Variants in COL4A6 observed in about 807,000 individuals in gnomAD.
COL4A6 encodes the protein collagen alpha-6(IV) chain.
A neutral mutation model predicts 126.7 loss-of-function variants in COL4A6; 59 were observed. The ratio of observed to expected loss-of-function variants is 0.47; its 90% confidence interval spans 0.38 to 0.58. The LOEUF is 0.58. COL4A6 is among the 20% of genes least tolerant of loss of function. The pLI, the probability that COL4A6 is intolerant of heterozygous loss-of-function variation, is 0.00. For synonymous variants in COL4A6, 547 were observed against 496.6 expected (o/e 1.10, Z -1.35); for missense variants, 1,285 against 1,337.3 (o/e 0.96, Z 0.61).
chrX:108,263,735 A>T (rs1419537538), intron 3 of COL4A6, among the ~76,000 whole-genome samples: 1 of 111,562 alleles, frequency 9.0e-6, no homozygotes, highest in Non-Finnish European at 1.9e-5. Context: ...ACCTCCAGAT[A>T]ATTTAATTTA....
At chrX:108,282,261 A>C (rs1310801373) in intron 3 of COL4A6, among the ~76,000 whole-genome samples, 1 of 95,823 alleles carries the variant, frequency 1.0e-5, no homozygotes, top group Non-Finnish European at 2.1e-5. Flanking sequence ...ACAAAGGGCT[A>C]ATATCCAGAA....
rs192138743 is a variant in COL4A6 at position 108,230,356 on chromosome X, T to C, written c.145-8982A>G. Reference sequence around the variant, plus strand: ...TCTTTGAGAAGGCCACTTCCAAGTCTCATTTGCTAGGAGCAAAATGGAATT... The same window carrying C: ...TCTTTGAGAAGGCCACTTCCAAGTCCCATTTGCTAGGAGCAAAATGGAATT... On this transcript the variant is annotated intron_variant, in intron 3 of 44. Transcript: ENST00000334504. 1.2e-4 allele frequency among the ~76,000 whole-genome samples: 14 copies of C among 112,069 alleles called. No individual in the cohort carries two copies. In the East Asian group the frequency reaches 3.4e-3, roughly 27 times the overall value.
upstream of COL4A6, chrX:108,439,345 CTTAT>C (rs1163291314): frequency 1.3e-6 from 1 of 786,865 alleles, no homozygotes; most frequent in African/African-American, 2.1e-5. Flanking sequence ...CGCACATATA[CTTAT>C]TTTCTTACTT....
At chrX:108,360,442 G>C (rs768718002) in intron 2 of COL4A6, among the ~76,000 whole-genome samples, 40 of 111,389 alleles carry the variant, frequency 3.6e-4, no homozygotes, top group Admixed American at 3.3e-3. Flanking sequence ...AGAATGCAGA[G>C]AGGAGTACAG....
chrX:108,284,392 T>A (rs892245589), intron 3 of COL4A6, among the ~76,000 whole-genome samples: 1 of 111,163 alleles, frequency 9.0e-6, no homozygotes, highest in African/African-American at 3.3e-5. Flanking sequence ...CAAACCACCA[T>A]GGCACATGTA....
At chrX:108,160,170 T>C (rs929854198) in intron 43 of COL4A6, among the ~76,000 whole-genome samples, 12 of 112,233 alleles carry the variant, frequency 1.1e-4, no homozygotes, top group Non-Finnish European at 1.9e-5. Context: ...GCAATTTACA[T>C]TGGGTGATTG....
chrX:108,178,264 C>T (rs759877939), intron 27 of COL4A6, among the ~76,000 whole-genome samples: 1 of 112,398 alleles, frequency 8.9e-6, no homozygotes, highest in Non-Finnish European at 1.9e-5. Context: ...GAGGCATGCT[C>T]GCCTGAGAGG....
intron 13 of COL4A6, among the ~76,000 whole-genome samples, chrX:108,198,019 T>C (rs1184362519): frequency 9.0e-6 from 1 of 111,697 alleles, no homozygotes; most frequent in Non-Finnish European, 1.9e-5. Flanking sequence ...GAATGTCTAT[T>C]GGCTTCTGAG....
At chrX:108,270,447 G>A (rs970447869) in intron 3 of COL4A6, among the ~76,000 whole-genome samples, 2 of 112,512 alleles carry the variant, frequency 1.8e-5, no homozygotes, top group African/African-American at 6.5e-5. Flanking sequence ...AATCTGCCCA[G>A]GCAAGCCCAC....
intron 2 of COL4A6, among the ~76,000 whole-genome samples, chrX:108,422,554 G>A (rs749585546): frequency 9.0e-6 from 1 of 111,206 alleles, no homozygotes; most frequent in Non-Finnish European, 1.9e-5. Context: ...ACTTCCAGAG[G>A]AATATACACA....
In COL4A6 at chrX:108,235,893, T is replaced by C. The variant is rs190205603; in HGVS notation, c.145-14519A>G. Among the ~76,000 whole-genome samples the C allele has an allele frequency of 7.3e-5, 8 of 110,034 alleles. No individual in the cohort carries two copies. The Admixed American group carries it at 7.8e-4, about 11-fold the overall frequency. The stretch of plus-strand genomic sequence containing the variant: ...AAAGCAAGCAAAACAGGCTAAATCC[T>C]ACGATCTGGGGGAGAAAAAGAGGTG... On this transcript the variant is annotated intron_variant, in intron 3 of 44. Coordinates refer to ENST00000334504, the MANE Select transcript of COL4A6 (RefSeq NM_033641.4).
At chrX:108,160,711 A>C in intron 42 of COL4A6, 57 bp from the exon 43 acceptor site, 1 of 1,022,027 alleles carries the variant, frequency 9.8e-7, no homozygotes, top group Non-Finnish European at 1.3e-6. Flanking sequence ...AACATCAGCT[A>C]CTCACATTGT....
chrX:108,285,303 A>C (rs1236640720), intron 3 of COL4A6, among the ~76,000 whole-genome samples: 1 of 111,974 alleles, frequency 8.9e-6, no homozygotes, highest in African/African-American at 3.2e-5. Flanking sequence ...CTTCCACCCA[A>C]GTATTTCTCT....
chrX:108,399,962 G>A (rs2041050696), intron 2 of COL4A6, among the ~76,000 whole-genome samples: 1 of 111,366 alleles, frequency 9.0e-6, no homozygotes, highest in African/African-American at 3.3e-5. Flanking sequence ...CCATTCTATT[G>A]CTGTCATCAT....
chrX:108,166,836 CT>C lies in COL4A6; in HGVS notation c.3692-1351del, dbSNP rs954622929. On this transcript the variant is annotated intron_variant, in intron 37 of 44. Coordinates refer to ENST00000334504, the MANE Select transcript of COL4A6 (RefSeq NM_033641.4). ...TCTGAAAAGAAAGACATATTGTATA[CT>C]TTTTTTCTGAAAATACAGCTCTACA... 9.1e-5 allele frequency among the ~76,000 whole-genome samples: 10 copies of C among 109,697 alleles called. No homozygotes were observed. The South Asian group carries it at 3.5e-3, about 39-fold the overall frequency.
chrX:108,178,611 C>T (rs1360706137), intron 27 of COL4A6, 73 bp downstream of exon 27: 5 of 1,054,015 alleles, frequency 4.7e-6, no homozygotes, highest in South Asian at 2.2e-5. Context: ...ACTGCTATTG[C>T]CCCCCCAGGG....
At position 108,265,667 on chromosome X, in the gene COL4A6, C is replaced by A. The variant is rs1306117240; in HGVS notation, c.145-44293G>T. The stretch of plus-strand genomic sequence containing the variant: ...AGAAACAGTTGATGAAACACTATTT[C>A]AGGAAGACGAAATAGTGTGTTCAAG... On this transcript the variant is annotated intron_variant, in intron 3 of 44. Coordinates refer to ENST00000334504, the MANE Select transcript of COL4A6 (RefSeq NM_033641.4). 6.3e-5 allele frequency among the ~76,000 whole-genome samples: 7 copies of A among 110,388 alleles called. No homozygotes were observed. In the Admixed American group the frequency reaches 6.8e-4, roughly 11 times the overall value.
At chrX:108,225,574 G>T (rs1431212183) in intron 3 of COL4A6, among the ~76,000 whole-genome samples, 1 of 112,764 alleles carries the variant, frequency 8.9e-6, no homozygotes, top group Non-Finnish European at 1.9e-5. Context: ...CACAGCCCAG[G>T]CTGGCTGCCT....
intron 26 of COL4A6, among the ~76,000 whole-genome samples, 158 bp from the exon 27 acceptor site, chrX:108,179,003 T>A (rs2034590427): frequency 2.7e-5 from 3 of 112,301 alleles, no homozygotes; most frequent in Non-Finnish European, 3.8e-5. Flanking sequence ...GAAATTTGAC[T>A]ATTAGTTATG....
Sources: gnomAD v4.1 joint callset for allele counts (sites outside exome capture counted in the v4.1 genomes callset) on GRCh38, gnomAD v4.1.1 for gene constraint, MANE v1.5 for transcripts, NCBI Gene and HGNC (gene_info 2026-07-23, HGNC 2026-07-21) for gene names.